DRC11: variants seen among roughly 807,000 people sequenced by gnomAD.
DRC11 encodes dynein regulatory complex subunit 11.
chr2:236,424,986 A>G, the DRC11 span, among the ~76,000 whole-genome samples: 6 of 152,070 alleles, frequency 3.9e-5, 1 homozygote, highest in African/African-American at 1.5e-4. Flanking sequence ...CACAAATGAC[A>G]GAAATTTCCT....
the DRC11 span, among the ~76,000 whole-genome samples, chr2:236,459,590 TATAC>T: frequency 3.0e-4 from 40 of 133,676 alleles, no homozygotes; most frequent in African/African-American, 1.1e-3. Context: ...CGTATATACG[TATAC>T]GTATACATAT....
At chr2:236,503,414 G>A in the DRC11 span, among the ~76,000 whole-genome samples, 93 of 152,318 alleles carry the variant, frequency 6.1e-4, no homozygotes, top group African/African-American at 2.0e-3. This position sits in a 1 kb window ranked among gnomAD's most constrained non-coding sequence, Gnocchi z 4.9. Flanking sequence ...TTGGGTCAGA[G>A]AAGCAGGACT....
chr2:236,463,940 AC>A, the DRC11 span, among the ~76,000 whole-genome samples: 1 of 152,346 alleles, frequency 6.6e-6, no homozygotes, highest in East Asian at 1.9e-4. The surrounding 1 kb of genome is among the most constrained non-coding windows in gnomAD (Gnocchi z 5.0). Flanking sequence ...GGTGGGCAGC[AC>A]TTAGTTCTCA....
chr2:236,347,934 G>A, the DRC11 span, among the ~76,000 whole-genome samples: 34 of 152,152 alleles, frequency 2.2e-4, no homozygotes, highest in African/African-American at 7.2e-4. Flanking sequence ...TGGACTCGAG[G>A]AGCTAGTCTA....
At chr2:236,482,781 A>G in the DRC11 span, among the ~76,000 whole-genome samples, 1 of 152,200 alleles carries the variant, frequency 6.6e-6, no homozygotes, top group Non-Finnish European at 1.5e-5. This position sits in a 1 kb window ranked among gnomAD's most constrained non-coding sequence, Gnocchi z 4.5. Context: ...ATTACAGTAG[A>G]ATCTCATGTA....
the DRC11 span, among the ~76,000 whole-genome samples, chr2:236,410,076 T>G: frequency 1.3e-5 from 2 of 151,392 alleles, no homozygotes; most frequent in Middle Eastern, 3.4e-3. Context: ...TTCTCTTTTT[T>G]GGTTGTGTCT....
chr2:236,399,054 A>G, the DRC11 span, among the ~76,000 whole-genome samples: 2 of 151,286 alleles, frequency 1.3e-5, no homozygotes, highest in Non-Finnish European at 2.9e-5. The surrounding 1 kb of genome is among the most constrained non-coding windows in gnomAD (Gnocchi z 7.0). Flanking sequence ...CAATGGCGTG[A>G]TATCGGCTCA....
At chr2:236,392,147 C>T in the DRC11 span, 1 of 1,535,536 alleles carries the variant, frequency 6.5e-7, no homozygotes, top group African/African-American at 1.4e-5. The surrounding 1 kb of genome is among the most constrained non-coding windows in gnomAD (Gnocchi z 5.1). Context: ...TTAAAAATCC[C>T]TTAAATTATG....
the DRC11 span, among the ~76,000 whole-genome samples, chr2:236,409,585 T>C: frequency 1.3e-5 from 2 of 152,090 alleles, no homozygotes; most frequent in East Asian, 1.9e-4. Flanking sequence ...CTTTTCCTAA[T>C]TGAATACCCT....
the DRC11 span, among the ~76,000 whole-genome samples, chr2:236,458,753 AG>A: frequency 1.3e-5 from 2 of 152,032 alleles, no homozygotes; most frequent in African/African-American, 4.8e-5. Context: ...TAAGTCAGTT[AG>A]AAAAAAAAAG....
chr2:236,369,609 C>A, the DRC11 span, among the ~76,000 whole-genome samples: 3 of 152,284 alleles, frequency 2.0e-5, no homozygotes, highest in South Asian at 6.2e-4. This position sits in a 1 kb window ranked among gnomAD's most constrained non-coding sequence, Gnocchi z 4.5. Flanking sequence ...TCCAGATGCA[C>A]CATATTTTCT....
At chr2:236,331,483 A>C in the DRC11 span, 1 of 1,613,982 alleles carries the variant, frequency 6.2e-7, no homozygotes, top group Non-Finnish European at 8.5e-7. This position sits in a 1 kb window ranked among gnomAD's most constrained non-coding sequence, Gnocchi z 4.8. Flanking sequence ...CACGCCTTTA[A>C]CCACTTCGAC....
the DRC11 span, among the ~76,000 whole-genome samples, chr2:236,317,755 C>T: frequency 2.0e-5 from 3 of 152,282 alleles, no homozygotes; most frequent in Non-Finnish European, 4.4e-5. The surrounding 1 kb of genome is among the most constrained non-coding windows in gnomAD (Gnocchi z 5.4). Context: ...TCTGCAATGG[C>T]GTTTTCAGGC....
chr2:236,387,696 C>G, the DRC11 span, among the ~76,000 whole-genome samples: 1 of 151,238 alleles, frequency 6.6e-6, no homozygotes, highest in African/African-American at 2.4e-5. Flanking sequence ...TGAATTTGAT[C>G]CTGTCATTAT....
the DRC11 span, among the ~76,000 whole-genome samples, chr2:236,320,460 C>T: frequency 1.0e-3 from 155 of 152,238 alleles, no homozygotes; most frequent in African/African-American, 2.9e-3. Flanking sequence ...TGTGGATATG[C>T]GTTTGAAAAG....
At chr2:236,408,879 A>G in the DRC11 span, 1 of 653,144 alleles carries the variant, frequency 1.5e-6, no homozygotes, top group East Asian at 2.9e-5. This position sits in a 1 kb window ranked among gnomAD's most constrained non-coding sequence, Gnocchi z 5.5. Flanking sequence ...CTTCTTGTTC[A>G]CGTTGGATCC....
At chr2:236,431,821 CTATT>C in the DRC11 span, among the ~76,000 whole-genome samples, 1 of 152,182 alleles carries the variant, frequency 6.6e-6, no homozygotes, top group Admixed American at 6.5e-5. This position sits in a 1 kb window ranked among gnomAD's most constrained non-coding sequence, Gnocchi z 4.2. Context: ...TTTTACCTAT[CTATT>C]CCCCAGTTGA....
chr2:236,389,268 C>T, the DRC11 span, among the ~76,000 whole-genome samples: 4 of 152,224 alleles, frequency 2.6e-5, no homozygotes, highest in African/African-American at 9.6e-5. Context: ...AGCCTCGCTG[C>T]CGCCTTGCAG....
the DRC11 span, among the ~76,000 whole-genome samples, chr2:236,386,477 T>G: frequency 1.3e-5 from 2 of 152,132 alleles, no homozygotes; most frequent in African/African-American, 2.4e-5. Flanking sequence ...TCTCTGATGG[T>G]AGTTTGTATT....
Sources: gnomAD v4.1 joint callset for allele counts (sites outside exome capture counted in the v4.1 genomes callset) on GRCh38, gnomAD v4.1.1 for gene constraint, Gnocchi (gnomAD v3.1) non-coding constraint, MANE v1.5 for transcripts, NCBI Gene and HGNC (gene_info 2026-07-23, HGNC 2026-07-21) for gene names.